The following NCALD variants were observed in gnomAD, a reference collection of about 807,000 sequenced individuals.
NCALD encodes the protein neurocalcin delta.
In NCALD, 10 loss-of-function variants were observed where a neutral mutation model predicts 18.6. The ratio of observed to expected loss-of-function variants is 0.54; its 90% CI spans 0.33 to 0.91. The LOEUF (loss-of-function observed/expected upper bound fraction) is 0.91. Among genes scored for constraint, NCALD ranks in the 40% least tolerant of loss-of-function variants. The probability of loss-of-function intolerance (pLI) is 0.03; values close to 1 mark genes in which losing one functional copy is unlikely to be tolerated. For missense variants in NCALD, 184 were observed against 247.6 expected (o/e 0.74, Z 1.72); for synonymous variants, 88 against 87.4 (o/e 1.01, Z -0.04).
intron 4 of NCALD, among the ~76,000 whole-genome samples, chr8:101,826,799 T>C (rs1225744827): frequency 1.3e-5 from 2 of 152,236 alleles, no homozygotes; most frequent in Admixed American, 1.3e-4. Context: ...GGATATTTCC[T>C]ACCAGAGAGT....
At chr8:102,000,506 C>T (rs1821413531) in intron 2 of NCALD, among the ~76,000 whole-genome samples, 1 of 152,210 alleles carries the variant, frequency 6.6e-6, no homozygotes, top group South Asian at 2.1e-4. Context: ...TTAAATGTCC[C>T]TGTCTGACAG....
At chr8:101,815,153 A>G (rs1397982993) in intron 4 of NCALD, among the ~76,000 whole-genome samples, 2 of 152,124 alleles carry the variant, frequency 1.3e-5, no homozygotes, top group Non-Finnish European at 2.9e-5. Flanking sequence ...AAGACCCAGA[A>G]TAGCCAGCCA....
intron 2 of NCALD, among the ~76,000 whole-genome samples, chr8:102,001,216 C>A (rs141798582): frequency 0.028 from 4,331 of 152,274 alleles, 102 homozygotes; most frequent in East Asian, 0.091. Context: ...GGCACGAGAA[C>A]TACGTGATGA....
chr8:101,870,900 C>T (rs77859084), intron 4 of NCALD, among the ~76,000 whole-genome samples: 10 of 75,710 alleles, frequency 1.3e-4, no homozygotes, highest in Non-Finnish European at 2.0e-4. Flanking sequence ...CGCCCCCACC[C>T]CCCCCCCCCA....
intron 2 of NCALD, among the ~76,000 whole-genome samples, chr8:101,919,324 C>T (rs1464763359): frequency 1.3e-5 from 2 of 152,058 alleles, no homozygotes; most frequent in Non-Finnish European, 2.9e-5. Flanking sequence ...GCTGGCTAGC[C>T]ACATGCAAAA....
chr8:101,737,137 T>C (rs188713440), intron 1 of NCALD, among the ~76,000 whole-genome samples: 4 of 152,256 alleles, frequency 2.6e-5, no homozygotes, highest in East Asian at 1.9e-4. Context: ...CTTTTTTTTT[T>C]AGACAGGGTC....
chr8:101,702,229 A>G (rs1185208869), intron 2 of NCALD, among the ~76,000 whole-genome samples: 1 of 151,430 alleles, frequency 6.6e-6, no homozygotes, highest in Non-Finnish European at 1.5e-5. Flanking sequence ...TGATAGTGTC[A>G]TTCTTTTTTT....
At chr8:102,096,939 G>A (rs1482026232) in intron 1 of NCALD, among the ~76,000 whole-genome samples, 4 of 152,186 alleles carry the variant, frequency 2.6e-5, no homozygotes, top group East Asian at 3.8e-4. Flanking sequence ...TCATTTTACC[G>A]TAATTACCTC....
chr8:102,052,728 T>G (rs1226277838), intron 1 of NCALD, among the ~76,000 whole-genome samples: 1 of 152,206 alleles, frequency 6.6e-6, no homozygotes, highest in Non-Finnish European at 1.5e-5. Context: ...AGAGTAAATA[T>G]TTTAGGCTTT....
intron 2 of NCALD, among the ~76,000 whole-genome samples, chr8:101,701,115 C>T (rs1198335186): frequency 2.6e-5 from 4 of 152,194 alleles, no homozygotes; most frequent in Non-Finnish European, 5.9e-5. Context: ...GGTGACAGCC[C>T]TGCAGAGCCA....
chr8:102,030,218 T>C (rs1172153209), intron 1 of NCALD, among the ~76,000 whole-genome samples: 2 of 152,202 alleles, frequency 1.3e-5, no homozygotes, highest in African/African-American at 4.8e-5. Context: ...CTTCAAAACA[T>C]ATTCCCTGGT....
chr8:101,719,121 G>T, intron 2 of NCALD, 131 bp downstream of exon 2: 2 of 1,042,656 alleles, frequency 1.9e-6, no homozygotes, highest in South Asian at 3.4e-5. Flanking sequence ...GTTCAAACAT[G>T]CAGGGTGGGC....
intron 1 of NCALD, among the ~76,000 whole-genome samples, chr8:102,057,962 A>G (rs750472767): frequency 2.0e-5 from 3 of 152,246 alleles, no homozygotes; most frequent in Non-Finnish European, 2.9e-5. Context: ...AAAGTCCACT[A>G]TTGCTCAGAG....
intron 2 of NCALD, among the ~76,000 whole-genome samples, chr8:101,990,922 C>T (rs183718423): frequency 9.1e-4 from 138 of 152,244 alleles, no homozygotes; most frequent in South Asian, 7.9e-3. Context: ...ACACAGCAGA[C>T]GAACTAAAAC....
intron 1 of NCALD, among the ~76,000 whole-genome samples, chr8:102,108,645 T>A (rs1043770939): frequency 1.3e-5 from 2 of 152,142 alleles, no homozygotes; most frequent in African/African-American, 4.8e-5. Flanking sequence ...AAGTAATTAG[T>A]AAATTCTTCA....
chr8:101,931,026 G>A (rs1818552579), intron 2 of NCALD, among the ~76,000 whole-genome samples: 2 of 152,142 alleles, frequency 1.3e-5, no homozygotes, highest in Non-Finnish European at 2.9e-5. Flanking sequence ...TACCATATAA[G>A]CAGAGGCGAA....
chr8:102,014,238 A>C (rs1822002326), intron 2 of NCALD, among the ~76,000 whole-genome samples: 1 of 152,226 alleles, frequency 6.6e-6, no homozygotes, highest in Non-Finnish European at 1.5e-5. Flanking sequence ...GTGCCAGCAG[A>C]TTCGGAATCT....
At chr8:102,014,255 G>A (rs918686448) in intron 2 of NCALD, among the ~76,000 whole-genome samples, 1 of 152,104 alleles carries the variant, frequency 6.6e-6, no homozygotes, top group Non-Finnish European at 1.5e-5. Context: ...ATCTGGTGAG[G>A]GTCCTATTCC....
At chr8:101,953,176 T>TG (rs1158599275) in intron 2 of NCALD, among the ~76,000 whole-genome samples, 1 of 152,078 alleles carries the variant, frequency 6.6e-6, no homozygotes, top group Non-Finnish European at 1.5e-5. Flanking sequence ...CTGGGGCAGA[T>TG]GGGGCAGTGG....
Sources: allele counts gnomAD v4.1 joint callset (sites outside exome capture counted in the v4.1 genomes callset), GRCh38; gene constraint gnomAD v4.1.1; transcripts MANE v1.5; gene names NCBI Gene and HGNC (gene_info 2026-07-23, HGNC 2026-07-21).